The following ANKRD17 variants were observed in gnomAD, a reference collection of about 807,000 sequenced individuals.
ANKRD17 encodes the protein ankyrin repeat domain 17.
Under a neutral mutation model 229.7 loss-of-function variants are expected in ANKRD17, and 19 were observed. The ratio of observed to expected loss-of-function variants is 0.08; its 90% confidence interval spans 0.06 to 0.12. The LOEUF is 0.12. ANKRD17 is among the 10% of genes least tolerant of loss of function. The pLI is 1.00. For missense variants in ANKRD17, 2,176 were observed against 3,176.8 expected (o/e 0.68, Z 7.57); for synonymous variants, 1,112 against 1,146.1 (o/e 0.97, Z 0.60).
intron 1 of ANKRD17, among the ~76,000 whole-genome samples, chr4:73,245,789 C>T (rs1435207560): frequency 6.6e-6 from 1 of 152,112 alleles, no homozygotes; most frequent in African/African-American, 2.4e-5. Context: ...GCACAGAGAC[C>T]AGTAAATAAG....
At chr4:73,199,012 T>C (rs551904219) in intron 1 of ANKRD17, among the ~76,000 whole-genome samples, 6 of 152,294 alleles carry the variant, frequency 3.9e-5, no homozygotes, top group African/African-American at 1.2e-4. Flanking sequence ...AAGAGAAAAC[T>C]TCTATAGTAT....
intron 1 of ANKRD17, among the ~76,000 whole-genome samples, chr4:73,216,528 T>C (rs1250429313): frequency 1.3e-5 from 2 of 152,060 alleles, no homozygotes; most frequent in Non-Finnish European, 2.9e-5. Context: ...TAAAAAAGGG[T>C]TAACAGTTAA....
chr4:73,092,879 T>C (rs986671169), intron 28 of ANKRD17, among the ~76,000 whole-genome samples: 3 of 152,192 alleles, frequency 2.0e-5, no homozygotes, highest in African/African-American at 7.2e-5. Flanking sequence ...TGTCTTAAAA[T>C]GATGCAGGAA....
intron 15 of ANKRD17, among the ~76,000 whole-genome samples, chr4:73,136,026 C>A (rs79800765): frequency 0.065 from 9,836 of 152,180 alleles, 471 homozygotes; most frequent in South Asian, 0.13. Flanking sequence ...TATGATGTTG[C>A]TGTGATATTA....
At position 73,094,198 on chromosome 4, in the gene ANKRD17, C is replaced by A; in HGVS notation, c.5208G>T (p.Val1736=). ...CTCCTCTTCCAATCACTCTGGATATCACAGTTGATGGAACAGATACTTTCT... is the reference window on the plus strand; with the variant it reads ...CTCCTCTTCCAATCACTCTGGATATAACAGTTGATGGAACAGATACTTTCT... ...RSKKVSVPST[V]ISRVIGRGGC... Residue 1736 remains valine (V), a synonymous_variant, in exon 28 of 34, where the codon GTG becomes GTT. Transcript: ENST00000358602. 1 of 1,613,630 alleles carries A rather than the reference C, an allele frequency of 6.2e-7. No homozygotes were observed. The highest frequency in any genetic ancestry group is 2.2e-5 in the East Asian group (1 of 44,786).
chr4:73,219,293 T>C (rs1741544035), intron 1 of ANKRD17, among the ~76,000 whole-genome samples: 1 of 152,278 alleles, frequency 6.6e-6, no homozygotes, highest in African/African-American at 2.4e-5. Flanking sequence ...AGTATAGAAA[T>C]GATGTGCATT....
At position 73,161,263 on chromosome 4, in the gene ANKRD17, C is replaced by T. The variant is rs200457613; in HGVS notation, c.633G>A (p.Ala211=). The T allele has an allele frequency of 1.7e-5, 28 of 1,614,240 alleles. No individual in the cohort carries two copies. Among genetic ancestry groups the T allele is most frequent in the African/African-American group, 6.7e-5 (5 of 75,064 alleles). ...TAAGTGCAGCAGCAGCTTCATCCAA[C>T]GCACAACTAACAGACGATGTCAACC... ...LRRLTSSVSC[A]LDEAAAALTR... Residue 211 remains alanine, a synonymous_variant, in exon 3 of 34, where the codon GCG becomes GCA. Transcript: ENST00000358602.
intron 3 of ANKRD17, among the ~76,000 whole-genome samples, chr4:73,160,195 C>A (rs1308717696): frequency 6.8e-6 from 1 of 146,758 alleles, no homozygotes; most frequent in Non-Finnish European, 1.5e-5. Flanking sequence ...AAGTATCTAT[C>A]CATTTTTCTT....
chr4:73,125,590 G>A (rs1053133854), intron 16 of ANKRD17, among the ~76,000 whole-genome samples: 3 of 151,940 alleles, frequency 2.0e-5, no homozygotes, highest in Admixed American at 6.6e-5. Flanking sequence ...AAAATTAGCC[G>A]GGTGTGGTGG....
At chr4:73,113,767 T>C in intron 24 of ANKRD17, 25 bp downstream of exon 24, 1 of 1,546,112 alleles carries the variant, frequency 6.5e-7, no homozygotes, top group South Asian at 1.1e-5. Context: ...AGTGGGTAGT[T>C]TTCATGTGTA....
chr4:73,183,568 C>T (rs976829256), intron 1 of ANKRD17, among the ~76,000 whole-genome samples: 1 of 152,086 alleles, frequency 6.6e-6, no homozygotes, highest in African/African-American at 2.4e-5. Flanking sequence ...GATTCTCCCA[C>T]CTCAGCCTCC....
At chr4:73,240,872 A>G (rs898234218) in intron 1 of ANKRD17, among the ~76,000 whole-genome samples, 1 of 147,568 alleles carries the variant, frequency 6.8e-6, no homozygotes, top group African/African-American at 2.5e-5. Flanking sequence ...GCAGTGGCAC[A>G]ATCTCGGCTC....
chr4:73,204,297 C>G (rs1183560195), intron 1 of ANKRD17, among the ~76,000 whole-genome samples: 3 of 138,690 alleles, frequency 2.2e-5, no homozygotes, highest in South Asian at 2.4e-4. Context: ...AGAGGCGGAG[C>G]TTGCAGTGAG....
chr4:73,139,844 T>G lies in ANKRD17; in HGVS notation c.2772A>C (p.Gly924=). 1 of 1,614,220 alleles carries G rather than the reference T, an allele frequency of 6.2e-7. No homozygotes were observed. The highest frequency in any genetic ancestry group is 8.5e-7 in the Non-Finnish European group (1 of 1,180,036). The change falls in exon 15 of 34, where the codon GGA becomes GGC. Residue 924 remains glycine, a synonymous_variant. Transcript: ENST00000358602. ...CCACTTGCTGTAACCGTGCATAGTCTCCCTCAGAAAGCTGCTCTCCAACTC... is the reference window on the plus strand; with the variant it reads ...CCACTTGCTGTAACCGTGCATAGTCGCCCTCAGAAAGCTGCTCTCCAACTC... ...PVGVGEQLSE[G]DYARLQQVDP...
chr4:73,161,644 T>C (rs1732542720), intron 2 of ANKRD17, among the ~76,000 whole-genome samples: 1 of 152,202 alleles, frequency 6.6e-6, no homozygotes, highest in Non-Finnish European at 1.5e-5. Context: ...AGAACGTATA[T>C]TCAAAGGTTG....
At chr4:73,104,101 T>C (rs531966423) in intron 24 of ANKRD17, 1 of 152,276 alleles carries the variant, frequency 6.6e-6, no homozygotes, top group South Asian at 2.1e-4. Flanking sequence ...AAATCGATTT[T>C]AGGAAAGAAT....
At chr4:73,224,452 A>G (rs1404735272) in intron 1 of ANKRD17, among the ~76,000 whole-genome samples, 1 of 152,128 alleles carries the variant, frequency 6.6e-6, no homozygotes, top group Non-Finnish European at 1.5e-5. Context: ...AGTCAACTAG[A>G]CAGATTATGG....
intron 29 of ANKRD17, among the ~76,000 whole-genome samples, chr4:73,088,289 TA>T (rs1320418216): frequency 6.6e-6 from 1 of 151,930 alleles, no homozygotes; most frequent in Non-Finnish European, 1.5e-5. Context: ...TAGGAGAAAA[TA>T]AAAGGACATA....
In ANKRD17 at chr4:73,078,714, T is replaced by C. The variant is rs1258072418; in HGVS notation, c.7336A>G (p.Ile2446Val). 19 of 1,614,178 alleles carry C rather than the reference T, an allele frequency of 1.2e-5. No homozygotes were observed. Among genetic ancestry groups the C allele is most frequent in the Non-Finnish European group, 1.4e-5 (16 of 1,180,030 alleles). ...ACTGATGTAGACAAATTGCTCCCAA[T>C]AACAGATGGAGCTGACGTTCCAGTT... is the stretch of plus-strand genomic sequence containing the variant. ...RQTGTSAPSVIGSNLSTSVGH... is the reference protein window; with the variant it reads ...RQTGTSAPSVVGSNLSTSVGH... Residue 2446 changes from isoleucine (I) to valine (V), a missense_variant, in exon 31 of 34, where the codon ATT becomes GTT. Transcript: ENST00000358602.
Sources: gnomAD v4.1 joint callset for allele counts (sites outside exome capture counted in the v4.1 genomes callset) on GRCh38, gnomAD v4.1.1 for gene constraint, MANE v1.5 for transcripts, NCBI Gene and HGNC (gene_info 2026-07-23, HGNC 2026-07-21) for gene names.